The following DLG2 variants were observed in gnomAD, a reference collection of about 807,000 sequenced individuals.
DLG2 encodes the protein disks large homolog 2.
Under a neutral mutation model 132.5 loss-of-function variants are expected in DLG2, and 45 were observed. The observed-to-expected ratio is 0.34, with a 90% CI of 0.27 to 0.44. DLG2 has a LOEUF of 0.44. Ranked by LOEUF, DLG2 falls within the 20% of genes least tolerant of loss-of-function variation. The probability of loss-of-function intolerance (pLI) is 1.00; values close to 1 mark genes in which losing one functional copy is unlikely to be tolerated. For synonymous variants in DLG2, 424 were observed against 419.6 expected, an observed-to-expected ratio of 1.01 and a Z score of -0.13; for missense variants, 1,045 against 1,196.9, an observed-to-expected ratio of 0.87 and a Z score of 1.87.
At position 83,459,631 on chromosome 11, in the gene DLG2, T is replaced by G. The variant is rs2135942577; in HGVS notation, c.*187A>C. 1 of 509,720 alleles carries G rather than the reference T, an allele frequency of 2.0e-6. No individual in the cohort carries two copies. Among genetic ancestry groups the G allele is most frequent in the East Asian group, 3.1e-5 (1 of 31,934 alleles). 31.6% of individuals were successfully genotyped at this position (509,720 alleles called of 1,614,324 possible). Reference sequence around the variant, plus strand: ...TTCCTTCATACTGCAATGTCTTTTCTGTCCCACCCTTTGGCCCCTCTGTTT... The same window carrying G: ...TTCCTTCATACTGCAATGTCTTTTCGGTCCCACCCTTTGGCCCCTCTGTTT... On this transcript the variant is annotated 3_prime_UTR_variant, in exon 28 of 28. Transcript: ENST00000376104.
At chr11:83,533,574 T>C (rs893616196) in intron 20 of DLG2, among the ~76,000 whole-genome samples, 2 of 152,136 alleles carry the variant, frequency 1.3e-5, no homozygotes, top group Non-Finnish European at 2.9e-5. Flanking sequence ...GGAGGAAATA[T>C]CAATGTATCT....
intron 17 of DLG2, among the ~76,000 whole-genome samples, chr11:83,817,932 T>C (rs1372308452): frequency 1.3e-5 from 2 of 152,204 alleles, no homozygotes; most frequent in Non-Finnish European, 2.9e-5. Context: ...ATACGTTTAG[T>C]CATAACTAAT....
At chr11:85,111,859 T>G (rs901253539) in intron 5 of DLG2, 124 bp from the exon 6 acceptor site, 2 of 679,490 alleles carry the variant, frequency 2.9e-6, no homozygotes, top group Non-Finnish European at 4.6e-6. Context: ...AGAGAATGCT[T>G]TGTTGGTGCA....
chr11:85,259,276 C>T (rs1050179997), intron 4 of DLG2, among the ~76,000 whole-genome samples: 3 of 152,166 alleles, frequency 2.0e-5, no homozygotes, highest in Admixed American at 2.0e-4. Context: ...TCTCCTCTCT[C>T]CTGCTTCATC....
chr11:83,725,892 C>T (rs755365647), intron 18 of DLG2, among the ~76,000 whole-genome samples: 6 of 152,148 alleles, frequency 3.9e-5, no homozygotes, highest in African/African-American at 1.2e-4. Flanking sequence ...TTCGGTTTAA[C>T]AAGGCACTAT....
chr11:85,502,939 T>G (rs1020184086), intron 3 of DLG2, among the ~76,000 whole-genome samples: 2 of 152,098 alleles, frequency 1.3e-5, no homozygotes, highest in African/African-American at 4.8e-5. Context: ...CTACACACTC[T>G]ACAATGGATA....
intron 3 of DLG2, among the ~76,000 whole-genome samples, chr11:85,445,629 G>A (rs926780104): frequency 1.3e-5 from 2 of 152,110 alleles, no homozygotes; most frequent in African/African-American, 2.4e-5. Flanking sequence ...GCAGTGAGCC[G>A]AGGTTGCACC....
chr11:84,366,628 A>C (rs1339379325), intron 7 of DLG2, among the ~76,000 whole-genome samples: 2 of 152,154 alleles, frequency 1.3e-5, no homozygotes, highest in African/African-American at 2.4e-5. Context: ...TCTACCAAGC[A>C]AATGGAAAAC....
At chr11:84,092,664 T>C (rs1378759551) in intron 10 of DLG2, among the ~76,000 whole-genome samples, 1 of 152,152 alleles carries the variant, frequency 6.6e-6, no homozygotes, top group Non-Finnish European at 1.5e-5. Context: ...GCACTGTCAC[T>C]TTATATTGGC....
chr11:85,336,059 C>A (rs1440376647), intron 3 of DLG2: 1 of 152,302 alleles, frequency 6.6e-6, no homozygotes, highest in Non-Finnish European at 1.5e-5. Flanking sequence ...TGATGCGGTT[C>A]CCTTTGTATT....
chr11:85,626,811 G>T (rs542499362), intron 1 of DLG2, 58 bp from the exon 2 acceptor site: 9 of 152,132 alleles, frequency 5.9e-5, no homozygotes, highest in African/African-American at 1.9e-4. Context: ...TTTTTACACC[G>T]CCCACAGAGT....
At chr11:85,535,105 G>A (rs934700061) in intron 3 of DLG2, among the ~76,000 whole-genome samples, 3 of 152,102 alleles carry the variant, frequency 2.0e-5, no homozygotes, top group African/African-American at 7.2e-5. Flanking sequence ...ACTTGCTTTT[G>A]AGTAGAGGTT....
chr11:84,239,737 T>G (rs2097202776), intron 8 of DLG2, among the ~76,000 whole-genome samples: 1 of 152,220 alleles, frequency 6.6e-6, no homozygotes, highest in African/African-American at 2.4e-5. Context: ...CGATATGTGC[T>G]AGTCTGTATA....
At chr11:84,260,106 T>G (rs187865502) in intron 7 of DLG2, among the ~76,000 whole-genome samples, 2 of 152,150 alleles carry the variant, frequency 1.3e-5, no homozygotes, top group African/African-American at 4.8e-5. Context: ...CCTATGAATA[T>G]CCTAAAGACC....
intron 18 of DLG2, among the ~76,000 whole-genome samples, chr11:83,653,447 T>C (rs1224277139): frequency 6.6e-6 from 1 of 152,248 alleles, no homozygotes; most frequent in Non-Finnish European, 1.5e-5. Context: ...TTACTATTTG[T>C]ATGCATTTTT....
In DLG2 at chr11:84,650,893, A is replaced by ACATATATACTATATATATATATG. The variant is rs1555136131; in HGVS notation, c.358-116163_358-116162insCATATATATATATAGTATATATG. Among the ~76,000 whole-genome samples the ACATATATACTATATATATATATG allele has an allele frequency of 1.5e-3, 219 of 145,304 alleles. 1 individual carries two copies. Among genetic ancestry groups the ACATATATACTATATATATATATG allele is most frequent in the Middle Eastern group, 7.2e-3 (2 of 276 alleles). On this transcript the variant is annotated intron_variant, in intron 6 of 27. Transcript: ENST00000376104. The stretch of plus-strand genomic sequence containing the variant: ...TGTGTGTATATATATATATATATAT[A>ACATATATACTATATATATATATG]TATATATAAAATTTTTGTGCATTTG...
At chr11:85,445,927 C>T (rs1403337573) in intron 3 of DLG2, among the ~76,000 whole-genome samples, 2 of 152,186 alleles carry the variant, frequency 1.3e-5, no homozygotes, top group African/African-American at 4.8e-5. Flanking sequence ...ATGTACACTG[C>T]CTCTAATCTA....
intron 3 of DLG2, among the ~76,000 whole-genome samples, chr11:85,579,316 G>T (rs575518575): frequency 6.6e-6 from 1 of 152,080 alleles, no homozygotes; most frequent in East Asian, 1.9e-4. Context: ...GAAATAATCT[G>T]TACAACAAAC....
At chr11:84,534,507 C>G (rs1483110053) in intron 7 of DLG2, 63 bp downstream of exon 7, 2 of 1,515,704 alleles carry the variant, frequency 1.3e-6, no homozygotes, top group East Asian at 2.3e-5. Context: ...GCAAACATCT[C>G]CATTAGCAAT....
Sources: gnomAD v4.1 joint callset for allele counts (sites outside exome capture counted in the v4.1 genomes callset) on GRCh38, gnomAD v4.1.1 for gene constraint, MANE v1.5 for transcripts, NCBI Gene and HGNC (gene_info 2026-07-23, HGNC 2026-07-21) for gene names.